MAF: variants seen among roughly 807,000 people sequenced by gnomAD.
The protein encoded by MAF is transcription factor Maf.
A neutral mutation model predicts 22.0 loss-of-function variants in MAF; 10 were observed. That is an observed-to-expected ratio of 0.45 (90% CI 0.28 to 0.77). MAF has a LOEUF of 0.77. Ranked by LOEUF, MAF falls within the 30% of genes least tolerant of loss-of-function variation. The pLI is 0.12. For missense variants in MAF, 544 were observed against 548.4 expected (o/e 0.99, Z 0.08); for synonymous variants, 337 against 255.8 (o/e 1.32, Z -3.03).
chr16:79,211,880 G>T, the MAF span: 36 of 1,586,258 alleles, frequency 2.3e-5, no homozygotes, highest in Non-Finnish European at 3.0e-5. Context: ...CCTTCCAAAT[G>T]TCCCTCCAAC....
the MAF span, among the ~76,000 whole-genome samples, chr16:79,514,475 C>T: frequency 6.6e-6 from 1 of 152,096 alleles, no homozygotes; most frequent in African/African-American, 2.4e-5. Context: ...GGGGGACATC[C>T]CAAATTCCTT....
chr16:79,333,657 A>C, the MAF span, among the ~76,000 whole-genome samples: 1 of 152,276 alleles, frequency 6.6e-6, no homozygotes, highest in African/African-American at 2.4e-5. Flanking sequence ...TAAGAAAAGA[A>C]GAGACAATCT....
downstream of MAF, among the ~76,000 whole-genome samples, chr16:79,581,656 CG>C (rs1382050172): frequency 3.3e-5 from 5 of 149,726 alleles, no homozygotes; most frequent in African/African-American, 1.2e-4. Flanking sequence ...AAAAAGAAAT[CG>C]TCACCACTGC....
the MAF span, among the ~76,000 whole-genome samples, chr16:79,400,508 T>G: frequency 6.6e-6 from 1 of 152,088 alleles, no homozygotes; most frequent in Non-Finnish European, 1.5e-5. Context: ...TGAGTTGGAG[T>G]TTATACTTCT....
At chr16:79,237,869 G>T in the MAF span, among the ~76,000 whole-genome samples, 5 of 152,104 alleles carry the variant, frequency 3.3e-5, no homozygotes, top group Admixed American at 6.6e-5. Flanking sequence ...GTCACCCCCT[G>T]TGAGGGACCC....
chr16:79,405,961 G>T, the MAF span, among the ~76,000 whole-genome samples: 1 of 152,086 alleles, frequency 6.6e-6, no homozygotes, highest in East Asian at 1.9e-4. Context: ...CGGCTTCTTT[G>T]GCTGCAGAAG....
the MAF span, among the ~76,000 whole-genome samples, chr16:79,519,458 C>T: frequency 2.6e-5 from 4 of 152,176 alleles, no homozygotes; most frequent in Admixed American, 6.5e-5. Flanking sequence ...AACACGTTTC[C>T]AGGGAGAGCT....
the MAF span, among the ~76,000 whole-genome samples, chr16:79,325,419 A>T: frequency 1.3e-5 from 2 of 152,144 alleles, no homozygotes. Flanking sequence ...GTATGATCAT[A>T]ATCGTGTCTT....
the MAF span, among the ~76,000 whole-genome samples, chr16:79,533,862 C>A: frequency 9.2e-5 from 14 of 152,248 alleles, no homozygotes; most frequent in East Asian, 2.1e-3. Flanking sequence ...TCCTCTGTTG[C>A]CATCAAAACA....
the MAF span, among the ~76,000 whole-genome samples, chr16:79,456,063 C>T: frequency 6.6e-6 from 1 of 152,076 alleles, no homozygotes; most frequent in Non-Finnish European, 1.5e-5. Flanking sequence ...TTAATGTGGA[C>T]ATTCCTTTGG....
At chr16:79,300,746 T>C in the MAF span, among the ~76,000 whole-genome samples, 1 of 151,938 alleles carries the variant, frequency 6.6e-6, no homozygotes, top group African/African-American at 2.4e-5. Flanking sequence ...TTTATATACA[T>C]TTTATTATAT....
At chr16:79,517,858 A>G in the MAF span, among the ~76,000 whole-genome samples, 1 of 152,150 alleles carries the variant, frequency 6.6e-6, no homozygotes, top group Non-Finnish European at 1.5e-5. Flanking sequence ...TACAGGCATG[A>G]GCCACCGCTT....
At chr16:79,392,496 G>GGACA in the MAF span, among the ~76,000 whole-genome samples, 1 of 148,198 alleles carries the variant, frequency 6.7e-6, no homozygotes, top group Non-Finnish European at 1.5e-5. Flanking sequence ...AGAGATAGGA[G>GGACA]GAGAGAGAGA....
At chr16:79,485,341 C>T in the MAF span, among the ~76,000 whole-genome samples, 1 of 152,206 alleles carries the variant, frequency 6.6e-6, no homozygotes, top group Non-Finnish European at 1.5e-5. Context: ...CAGCGATTGG[C>T]ACACAGGAAG....
the MAF span, among the ~76,000 whole-genome samples, chr16:79,383,675 G>C: frequency 6.6e-6 from 1 of 152,164 alleles, no homozygotes; most frequent in African/African-American, 2.4e-5. Flanking sequence ...TTTATTTCAA[G>C]AGAAGTTGCT....
the MAF span, among the ~76,000 whole-genome samples, chr16:79,412,377 C>G: frequency 6.6e-6 from 1 of 152,142 alleles, no homozygotes; most frequent in African/African-American, 2.4e-5. Flanking sequence ...GCTTTAGGGT[C>G]CCCATGTCTG....
the MAF span, among the ~76,000 whole-genome samples, chr16:79,410,039 A>G: frequency 6.6e-6 from 1 of 152,176 alleles, no homozygotes; most frequent in East Asian, 1.9e-4. Flanking sequence ...TGAAAACCTA[A>G]CTTAGGAGTA....
the MAF span, among the ~76,000 whole-genome samples, chr16:79,324,467 G>A: frequency 1.3e-5 from 2 of 152,162 alleles, no homozygotes; most frequent in African/African-American, 4.8e-5. Flanking sequence ...ATGGATTTTG[G>A]TATTAGCAGG....
At chr16:79,558,685 T>C in the MAF span, among the ~76,000 whole-genome samples, 1 of 152,166 alleles carries the variant, frequency 6.6e-6, no homozygotes, top group African/African-American at 2.4e-5. Flanking sequence ...GGATACACCG[T>C]TGAGTGATGC....
Sources: allele counts gnomAD v4.1 joint callset (sites outside exome capture counted in the v4.1 genomes callset), GRCh38; gene constraint gnomAD v4.1.1; transcripts MANE v1.5; gene names NCBI Gene and HGNC (gene_info 2026-07-23, HGNC 2026-07-21).